Variants in THRB observed in about 807,000 individuals in gnomAD.
THRB encodes nuclear receptor subfamily 1 group A member 2.
A neutral mutation model predicts 47.8 loss-of-function variants in THRB; 12 were observed. The ratio of observed to expected loss-of-function variants is 0.25; its 90% confidence interval spans 0.16 to 0.41. The LOEUF is 0.41. THRB is among the 10% of genes least tolerant of loss of function. The probability of loss-of-function intolerance (pLI) is 1.00; values close to 1 mark genes in which losing one functional copy is unlikely to be tolerated. For synonymous variants in THRB, 218 were observed against 212.2 expected (o/e 1.03, Z -0.24); for missense variants, 348 against 589.2 (o/e 0.59, Z 4.24).
At chr3:24,263,618 C>CTTTT (rs3034414) in intron 3 of THRB, among the ~76,000 whole-genome samples, 12 of 136,936 alleles carry the variant, frequency 8.8e-5, no homozygotes, top group African/African-American at 2.9e-4. Flanking sequence ...GGTTACAGGC[C>CTTTT]TTTTTTTTTT....
intron 1 of THRB, among the ~76,000 whole-genome samples, chr3:24,357,764 AG>A (rs2063790492): frequency 1.3e-5 from 2 of 152,128 alleles, no homozygotes; most frequent in Admixed American, 6.6e-5. Flanking sequence ...ACAGACTTTT[AG>A]GTTGTACGCT....
At chr3:24,483,369 T>C (rs1380517489) in intron 1 of THRB, among the ~76,000 whole-genome samples, 2 of 152,176 alleles carry the variant, frequency 1.3e-5, no homozygotes, top group Non-Finnish European at 2.9e-5. Context: ...TGTAAAGTCA[T>C]TTATTTAAAT....
chr3:24,227,018 C>T (rs1273975634), intron 4 of THRB, among the ~76,000 whole-genome samples: 1 of 152,214 alleles, frequency 6.6e-6, no homozygotes, highest in African/African-American at 2.4e-5. Flanking sequence ...ATGAACTGCA[C>T]TGTACCTAGA....
intron 3 of THRB, among the ~76,000 whole-genome samples, chr3:24,283,296 C>A (rs1268541693): frequency 6.7e-6 from 1 of 149,564 alleles, no homozygotes; most frequent in African/African-American, 2.5e-5. Context: ...AATCAATAAA[C>A]ATAATCCAGC....
intron 2 of THRB, among the ~76,000 whole-genome samples, chr3:24,324,360 C>T (rs1418830948): frequency 6.6e-6 from 1 of 152,160 alleles, no homozygotes; most frequent in East Asian, 1.9e-4. Context: ...CCCTTGTCTA[C>T]AGCAGAACAG....
At chr3:24,218,698 A>G (rs2046864294) in intron 4 of THRB, among the ~76,000 whole-genome samples, 1 of 152,126 alleles carries the variant, frequency 6.6e-6, no homozygotes, top group Admixed American at 6.5e-5. Flanking sequence ...AGTGATTTAT[A>G]TAAATCTTAC....
chr3:24,259,311 C>T (rs114416197), intron 3 of THRB, among the ~76,000 whole-genome samples: 11 of 152,266 alleles, frequency 7.2e-5, no homozygotes, highest in Non-Finnish European at 1.6e-4. Flanking sequence ...GGACAAGTTA[C>T]ACATTTCAAC....
At chr3:24,336,895 G>A (rs1331104903) in intron 2 of THRB, among the ~76,000 whole-genome samples, 1 of 151,858 alleles carries the variant, frequency 6.6e-6, no homozygotes, top group Admixed American at 6.6e-5. Context: ...CTAATTTTTT[G>A]TATTTTTTAG....
chr3:24,326,069 C>A (rs1359492067), intron 2 of THRB, among the ~76,000 whole-genome samples: 1 of 152,092 alleles, frequency 6.6e-6, no homozygotes, highest in Non-Finnish European at 1.5e-5. Context: ...CACTGCAATC[C>A]ACCATCATCT....
chr3:24,191,733 G>A (rs958648188), intron 4 of THRB, among the ~76,000 whole-genome samples: 5 of 152,100 alleles, frequency 3.3e-5, no homozygotes, highest in African/African-American at 1.2e-4. Flanking sequence ...TACCCTTCCG[G>A]GTTTTCATAT....
At chr3:24,416,920 C>T (rs997019819) in intron 1 of THRB, among the ~76,000 whole-genome samples, 4 of 151,838 alleles carry the variant, frequency 2.6e-5, no homozygotes, top group East Asian at 2.0e-4. Context: ...TTGCTTTAGA[C>T]GTTAATGTTT....
At chr3:24,248,923 A>G (rs1241839286) in intron 3 of THRB, among the ~76,000 whole-genome samples, 5 of 152,020 alleles carry the variant, frequency 3.3e-5, no homozygotes, top group Non-Finnish European at 7.4e-5. Flanking sequence ...TTGCTCTTTT[A>G]GTGCTTTAGT....
intron 8 of THRB, among the ~76,000 whole-genome samples, chr3:24,138,576 C>G (rs2035005802): frequency 6.6e-6 from 1 of 152,168 alleles, no homozygotes. Context: ...GCAACAAAGG[C>G]AAGCATGGAA....
At chr3:24,419,903 CT>C (rs2150276745) in intron 1 of THRB, among the ~76,000 whole-genome samples, 1 of 151,864 alleles carries the variant, frequency 6.6e-6, no homozygotes, top group African/African-American at 2.4e-5. Flanking sequence ...TATTTATTAT[CT>C]CAACCATGGC....
At chr3:24,345,279 G>A (rs1455728805) in intron 1 of THRB, among the ~76,000 whole-genome samples, 1 of 152,066 alleles carries the variant, frequency 6.6e-6, no homozygotes, top group African/African-American at 2.4e-5. Flanking sequence ...TTTAAACAAG[G>A]ATGGCATTCA....
At chr3:24,431,353 T>C (rs2070402771) in intron 1 of THRB, among the ~76,000 whole-genome samples, 1 of 151,292 alleles carries the variant, frequency 6.6e-6, no homozygotes, top group Non-Finnish European at 1.5e-5. Context: ...GAACAGTATT[T>C]AACCAAAAAA....
intron 10 of THRB, among the ~76,000 whole-genome samples, chr3:24,123,430 C>T (rs548556463): frequency 1.3e-5 from 2 of 152,112 alleles, no homozygotes; most frequent in African/African-American, 2.4e-5. Context: ...GAAGGAGAAG[C>T]CTGACATAGC....
At chr3:24,440,153 A>T (rs893900567) in intron 1 of THRB, among the ~76,000 whole-genome samples, 3 of 152,284 alleles carry the variant, frequency 2.0e-5, no homozygotes, top group African/African-American at 7.2e-5. Flanking sequence ...TGATTTTTTT[A>T]AACTTAAGTA....
At chr3:24,188,915 C>T (rs1302544495) in intron 5 of THRB, among the ~76,000 whole-genome samples, 1 of 125,262 alleles carries the variant, frequency 8.0e-6, no homozygotes, top group Non-Finnish European at 1.6e-5. Context: ...ACAAACCTTT[C>T]CAAAGGGACA....
Sources: gnomAD v4.1 joint callset for allele counts (sites outside exome capture counted in the v4.1 genomes callset) on GRCh38, gnomAD v4.1.1 for gene constraint, MANE v1.5 for transcripts, NCBI Gene and HGNC (gene_info 2026-07-23, HGNC 2026-07-21) for gene names.